GTF3C3: variants seen among roughly 807,000 people sequenced by gnomAD.
The protein encoded by GTF3C3 is general transcription factor IIIC subunit 3, also known as general transcription factor 3C polypeptide 3.
Under a neutral mutation model 105.2 loss-of-function variants are expected in GTF3C3, and 75 were observed. That is an observed-to-expected ratio of 0.71 (90% confidence interval 0.59 to 0.86). The LOEUF (loss-of-function observed/expected upper bound fraction) is 0.86, where lower values mean the gene tolerates loss of function less well. GTF3C3 is among the 40% of genes least tolerant of loss of function. The probability of loss-of-function intolerance (pLI) is 0.00; values close to 1 mark genes in which losing one functional copy is unlikely to be tolerated. For missense variants in GTF3C3, 856 were observed against 1,076.5 expected (o/e 0.80, Z 2.87); for synonymous variants, 335 against 370.4 (o/e 0.90, Z 1.10).
rs917449483 is a variant in GTF3C3 at position 196,764,344 on chromosome 2, T to C, written c.*219A>G. ...ACATTGGGAACAATTCACTATAGAATGTGAAAGGAAAATGACAGACCAATA... is the reference window on the plus strand; with the variant it reads ...ACATTGGGAACAATTCACTATAGAACGTGAAAGGAAAATGACAGACCAATA... On this transcript the variant is annotated 3_prime_UTR_variant, in exon 18 of 18. Transcript: ENST00000263956. 3 of 403,442 alleles carry C rather than the reference T, an allele frequency of 7.4e-6. No homozygotes were observed. The highest frequency in any genetic ancestry group is 1.3e-5 in the Non-Finnish European group (3 of 225,392). 25.0% of individuals were successfully genotyped at this position (403,442 alleles called of 1,614,324 possible).
At chr2:196,793,315 T>C (rs1298626200) in intron 2 of GTF3C3, among the ~76,000 whole-genome samples, 163 bp from the exon 3 acceptor site, 1 of 152,134 alleles carries the variant, frequency 6.6e-6, no homozygotes, top group Non-Finnish European at 1.5e-5. Context: ...AAGAAAGTTA[T>C]CACAAAGCCA....
In GTF3C3 at chr2:196,793,172, T is replaced by TG. The variant is rs775518988; in HGVS notation, c.215-21dup. 5.8e-6 allele frequency: 9 copies of TG among 1,541,338 alleles called. No individual in the cohort carries two copies. Among genetic ancestry groups the TG allele is most frequent in the Non-Finnish European group, 8.0e-6 (9 of 1,127,714 alleles). On this transcript the variant is annotated intron_variant, in intron 2 of 17. Coordinates refer to ENST00000263956, the MANE Select transcript of GTF3C3 (RefSeq NM_012086.5). The stretch of plus-strand genomic sequence containing the variant: ...TTTCTCCTGAGAAAAGAGACATTGA[T>TG]GGGGGAGGGGTGGGGAAGCTGCAGA...
rs745604257 is a variant in GTF3C3 at position 196,764,733 on chromosome 2, C to T, written c.2539-48G>A. On this transcript the variant is annotated intron_variant, in intron 17 of 17. Coordinates refer to ENST00000263956, the MANE Select transcript of GTF3C3 (RefSeq NM_012086.5). ...ATGTTTAATATTTCCAACTGTCAAC[C>T]GGGACAATTTTATGGCAAATTAATA... 2.7e-5 allele frequency: 42 copies of T among 1,532,458 alleles called. No individual in the cohort carries two copies. The East Asian group carries it at 2.9e-4, about 11-fold the overall frequency. 94.9% of individuals were successfully genotyped at this position (1,532,458 alleles called of 1,614,324 possible). A position where few individuals can be genotyped will look rare whatever the true frequency, so the allele number is the denominator to read the frequency against.
intron 2 of GTF3C3, 78 bp downstream of exon 2, chr2:196,797,718 GA>G (rs1699670088): frequency 1.2e-6 from 1 of 853,428 alleles, no homozygotes; most frequent in Non-Finnish European, 2.0e-6. Context: ...TCACTGCCAT[GA>G]AAATACAATG....
chr2:196,798,094 C>T (rs1699677302), intron 1 of GTF3C3, among the ~76,000 whole-genome samples, 186 bp from the exon 2 acceptor site: 1 of 152,132 alleles, frequency 6.6e-6, no homozygotes, highest in Non-Finnish European at 1.5e-5. Flanking sequence ...TGAACACATA[C>T]ACAGTAGATG....
chr2:196,766,804 A>AAAT lies in GTF3C3; in HGVS notation c.2386-90_2386-88dup, dbSNP rs1699077261. On this transcript the variant is annotated intron_variant, in intron 16 of 17. Coordinates refer to ENST00000263956, the MANE Select transcript of GTF3C3 (RefSeq NM_012086.5). Reference sequence around the variant, plus strand: ...CTGTATTACCAGGTGCTGAAAATACAAATATTTTTTAAAAACCTATCTATC... The same window carrying AAAT: ...CTGTATTACCAGGTGCTGAAAATACAAATAATATTTTTTAAAAACCTATCTATC... 3 of 1,035,504 alleles carry AAAT rather than the reference A, an allele frequency of 2.9e-6. No homozygotes were observed. In the Admixed American group the frequency reaches 7.5e-5, roughly 26 times the overall value. The allele number at this position is 1,035,504 out of a possible 1,614,324, so 64.1% of individuals were successfully genotyped here.
At position 196,764,343 on chromosome 2, in the gene GTF3C3, ATG is replaced by A; in HGVS notation, c.*218_*219del. 2.5e-6 allele frequency: 1 copy of A among 401,766 alleles called. No homozygotes were observed. 24.9% of individuals were successfully genotyped at this position (401,766 alleles called of 1,614,324 possible). ...AACATTGGGAACAATTCACTATAGA[ATG>A]TGAAAGGAAAATGACAGACCAATAT... On this transcript the variant is annotated 3_prime_UTR_variant, in exon 18 of 18. Coordinates refer to ENST00000263956, the MANE Select transcript of GTF3C3 (RefSeq NM_012086.5).
At position 196,773,033 on chromosome 2, in the gene GTF3C3, G is replaced by C; in HGVS notation, c.1952C>G (p.Ser651Cys). Residue 651 changes from serine (S) to cysteine (C), a missense_variant, in exon 14 of 18, where the codon TCC becomes TGC. Ser to Cys is a moderately radical substitution (Grantham distance 112, BLOSUM62 -1). Coordinates refer to ENST00000263956, the MANE Select transcript of GTF3C3 (RefSeq NM_012086.5). ...RFQEAELLVD[S>C]SLEYYSFYDD... ...ATAAAATGAGTAATATTCCAATGAG[G>C]AATCTACAAGCAACTCAGCCTCTTG... The C allele has an allele frequency of 1.2e-6, 2 of 1,611,172 alleles. No individual in the cohort carries two copies. Among genetic ancestry groups the C allele is most frequent in the South Asian group, 1.1e-5 (1 of 90,948 alleles).
intron 2 of GTF3C3, among the ~76,000 whole-genome samples, chr2:196,796,038 CA>C (rs1218604890): frequency 6.6e-6 from 1 of 152,068 alleles, no homozygotes; most frequent in Non-Finnish European, 1.5e-5. Flanking sequence ...ACGGTGTGAA[CA>C]GCAAGAATTT....
At position 196,786,454 on chromosome 2, in the gene GTF3C3, A is replaced by G. The variant is rs576757253; in HGVS notation, c.894-866T>C. On this transcript the variant is annotated intron_variant, in intron 6 of 17. Coordinates refer to ENST00000263956, the MANE Select transcript of GTF3C3 (RefSeq NM_012086.5). The surrounding 1 kb of genome is among the most constrained non-coding windows in gnomAD (Gnocchi z 4.2). ...AGAGAATTAAATCAGAACATCCCAC[A>G]TATTTCCAGCACATCTACCTACTTA... Among the ~76,000 whole-genome samples, 2 of 152,252 alleles carry G rather than the reference A, an allele frequency of 1.3e-5. No individual in the cohort carries two copies. The highest frequency in any genetic ancestry group is 2.9e-5 in the Non-Finnish European group (2 of 68,002).
intron 17 of GTF3C3, 109 bp downstream of exon 17, chr2:196,766,456 G>T: frequency 1.2e-6 from 1 of 812,870 alleles, no homozygotes; most frequent in African/African-American, 1.7e-5. Context: ...CTGAATAAGA[G>T]AAAATACATT....
intron 14 of GTF3C3, among the ~76,000 whole-genome samples, chr2:196,772,636 G>A (rs553795319): frequency 3.9e-5 from 6 of 152,212 alleles, no homozygotes; most frequent in African/African-American, 1.4e-4. Context: ...ATAACCCTAT[G>A]AGATGGCAGT....
In GTF3C3 at chr2:196,764,661, AGTCTAACTGGTCAAGT is replaced by A; in HGVS notation, c.2547_2562del (p.Glu849AspfsTer64). ...AAGTTGTAGGCAATATCTCTTCGTA[AGTCTAACTGGTCAAGT>A]TCTATACCCTAGGGAGAAAAAGATA... On this transcript the variant is annotated frameshift_variant, in exon 18 of 18. Transcript: ENST00000263956. LOFTEE classifies it high-confidence loss of function. The A allele has an allele frequency of 1.2e-6, 2 of 1,612,342 alleles. No homozygotes were observed. The highest frequency in any genetic ancestry group is 1.7e-6 in the Non-Finnish European group (2 of 1,178,428).
intron 3 of GTF3C3, among the ~76,000 whole-genome samples, 192 bp from the exon 4 acceptor site, chr2:196,791,652 T>C (rs1265145811): frequency 2.6e-5 from 4 of 152,166 alleles, no homozygotes; most frequent in Admixed American, 6.6e-5. Context: ...GAGTCTAAAA[T>C]TGGCCATACA....
At chr2:196,796,807 C>T (rs561429536) in intron 2 of GTF3C3, among the ~76,000 whole-genome samples, 15 of 152,304 alleles carry the variant, frequency 9.8e-5, no homozygotes, top group African/African-American at 3.4e-4. Context: ...CTGAGGATAA[C>T]GGCTTCCAAC....
At chr2:196,777,623 A>G (rs1400778444) in intron 10 of GTF3C3, 1 of 152,188 alleles carries the variant, frequency 6.6e-6, no homozygotes, top group Admixed American at 6.5e-5. Flanking sequence ...GGATCATCAC[A>G]GTGACATTTC....
chr2:196,787,313 T>C (rs1699469317), intron 6 of GTF3C3, among the ~76,000 whole-genome samples: 1 of 152,172 alleles, frequency 6.6e-6, no homozygotes, highest in African/African-American at 2.4e-5. Flanking sequence ...CAGCCAGAAT[T>C]GATGCACTTA....
At position 196,776,651 on chromosome 2, in the gene GTF3C3, G is replaced by A; in HGVS notation, c.1391-22C>T. On this transcript the variant is annotated intron_variant, in intron 10 of 17. Transcript: ENST00000263956. This position sits in a 1 kb window ranked among gnomAD's most constrained non-coding sequence, Gnocchi z 4.5. ...CATTCTAAGATGATGTTAAAATAAA[G>A]CAAAAGTATGAACTACAGATTTGTA... The A allele has an allele frequency of 6.5e-7, 1 of 1,543,058 alleles. No homozygotes were observed. The highest frequency in any genetic ancestry group is 8.9e-7 in the Non-Finnish European group (1 of 1,119,888).
chr2:196,779,513 A>C (rs1163343803), intron 9 of GTF3C3, among the ~76,000 whole-genome samples: 3 of 152,180 alleles, frequency 2.0e-5, no homozygotes, highest in Non-Finnish European at 4.4e-5. Flanking sequence ...TTTATTTTAA[A>C]TAACTCATAC....
Sources: gnomAD v4.1 joint callset for allele counts (sites outside exome capture counted in the v4.1 genomes callset) on GRCh38, gnomAD v4.1.1 for gene constraint, Gnocchi (gnomAD v3.1) non-coding constraint, MANE v1.5 for transcripts, NCBI Gene and HGNC (gene_info 2026-07-23, HGNC 2026-07-21) for gene names.